The following DMXL2 variants were observed in gnomAD, a reference collection of about 807,000 sequenced individuals.
The protein encoded by DMXL2 is dmX-like protein 2.
A neutral mutation model predicts 331.1 loss-of-function variants in DMXL2; 103 were observed. The ratio of observed to expected loss-of-function variants is 0.31; its 90% CI spans 0.27 to 0.37. The LOEUF (loss-of-function observed/expected upper bound fraction) is 0.37. Ranked by LOEUF, DMXL2 falls within the 10% of genes least tolerant of loss-of-function variation. The pLI, the probability that DMXL2 is intolerant of heterozygous loss-of-function variation, is 1.00. For synonymous variants in DMXL2, 1,281 were observed against 1,252.1 expected (o/e 1.02, Z -0.49); for missense variants, 3,171 against 3,642.9 (o/e 0.87, Z 3.33).
intron 15 of DMXL2, among the ~76,000 whole-genome samples, chr15:51,509,621 AG>A (rs772121455): frequency 1.1e-4 from 17 of 152,366 alleles, no homozygotes; most frequent in Admixed American, 6.5e-4. Flanking sequence ...AAATTCTACC[AG>A]AGGTACAAAG....
intron 1 of DMXL2, among the ~76,000 whole-genome samples, chr15:51,606,865 T>C (rs941037387): frequency 1.3e-5 from 2 of 152,056 alleles, no homozygotes; most frequent in African/African-American, 2.4e-5. Context: ...GATAAAAAGA[T>C]AGAAAACATG....
At chr15:51,615,317 A>G (rs1459580876) in intron 1 of DMXL2, among the ~76,000 whole-genome samples, 1 of 152,210 alleles carries the variant, frequency 6.6e-6, no homozygotes, top group Non-Finnish European at 1.5e-5. Flanking sequence ...TAGAGCAGAA[A>G]AAGCATTTTT....
rs377071166 is a variant in DMXL2, at chr15:51,471,733, A to G, written c.7214-332T>C. Among the ~76,000 whole-genome samples the G allele has an allele frequency of 3.3e-5, 5 of 152,360 alleles. No homozygotes were observed. In the East Asian group the frequency reaches 7.7e-4, roughly 23 times the overall value. ...ATTATCCCTGGCTATGAGGTTCAAG[A>G]AAGATTCACTGAATATGTAGAATTT... On this transcript the variant is annotated intron_variant, in intron 28 of 43. Coordinates refer to ENST00000560891, the MANE Select transcript of DMXL2 (RefSeq NM_001378457.1).
chr15:51,611,221 T>C (rs1291892776), intron 1 of DMXL2, among the ~76,000 whole-genome samples: 3 of 152,154 alleles, frequency 2.0e-5, no homozygotes, highest in East Asian at 1.9e-4. Context: ...TGATAAACCT[T>C]TGCTGAAGAA....
At chr15:51,479,652 T>C (rs2041862700) in intron 25 of DMXL2, among the ~76,000 whole-genome samples, 1 of 152,168 alleles carries the variant, frequency 6.6e-6, no homozygotes, top group Admixed American at 6.5e-5. Flanking sequence ...TCCAACTTAA[T>C]GGTTCATTTA....
Position 51,502,973 on chromosome 15 carries a change from A to C in DMXL2, c.2825T>G (p.Val942Gly). 1.2e-6 allele frequency: 2 copies of C among 1,614,064 alleles called. No homozygotes were observed. The highest frequency in any genetic ancestry group is 1.7e-6 in the Non-Finnish European group (2 of 1,179,912). Residue 942 changes from valine to glycine, a missense_variant, in exon 17 of 44, where the codon GTA (valine) becomes GGA (glycine). Val to Gly is a moderately radical substitution (Grantham distance 109). Coordinates refer to ENST00000560891, the MANE Select transcript of DMXL2 (RefSeq NM_001378457.1). ...SLLSVPGQKNVDSSPETSPSV... is the reference protein window; with the variant it reads ...SLLSVPGQKNGDSSPETSPSV... The stretch of plus-strand genomic sequence containing the variant: ...AGGAGAGGTTTCTGGAGAAGAATCT[A>C]CGTTCTTCTGTCCAGGGACTGAAAG...
At position 51,491,629 on chromosome 15, in the gene DMXL2, G is replaced by A. The variant is rs765884828; in HGVS notation, c.4902C>T (p.Gly1634=). The A allele has an allele frequency of 4.3e-6, 7 of 1,613,004 alleles. No homozygotes were observed. The highest frequency in any genetic ancestry group is 5.1e-6 in the Non-Finnish European group (6 of 1,179,642). ...DPQWSELRAM[G]IGWWVRNINT... ...TAATGTTCCTCACCCACCATCCTAT[G>A]CCCATAGCTCTTAATTCAGACCACT... Residue 1634 remains glycine, a synonymous_variant, in exon 20 of 44, where the codon GGC becomes GGT. Transcript: ENST00000560891.
At position 51,474,340 on chromosome 15, in the gene DMXL2, T is replaced by G; in HGVS notation, c.7213+4A>C. 1 of 1,603,058 alleles carries G rather than the reference T, an allele frequency of 6.2e-7. No homozygotes were observed. On this transcript the variant is annotated splice_donor_region_variant and intron_variant, in intron 28 of 43. Transcript: ENST00000560891. Reference sequence around the variant, plus strand: ...ATACATTACTGGTATCAAACGTATCTTACCTGAAATATTTTCTGATTGTCT... The same window carrying G: ...ATACATTACTGGTATCAAACGTATCGTACCTGAAATATTTTCTGATTGTCT...
In DMXL2 at chr15:51,480,731, C is replaced by T. The variant is rs554074770; in HGVS notation, c.6375G>A (p.Glu2125=). 2 of 1,603,098 alleles carry T rather than the reference C, an allele frequency of 1.2e-6. No individual in the cohort carries two copies. The highest frequency in any genetic ancestry group is 1.7e-5 in the Admixed American group (1 of 58,908). ...MVDKPDIGSY[E]RHQIERRRLQ... ...ATCTTCTTCTTTCTATTTGATGGCG[C>T]TCATAGGAACCAATATCTGGTTTGT... The change falls in exon 24 of 44, where the codon GAG becomes GAA. Residue 2125 remains glutamate, a synonymous_variant. Transcript: ENST00000560891.
chr15:51,569,372 G>T (rs897553451), intron 2 of DMXL2, among the ~76,000 whole-genome samples: 2 of 152,164 alleles, frequency 1.3e-5, no homozygotes, highest in Non-Finnish European at 2.9e-5. Flanking sequence ...GACAGAGCAC[G>T]TGGGGGAAGG....
In DMXL2 at chr15:51,451,781, T is replaced by C. The variant is rs1016494360; in HGVS notation, c.8697-84A>G. 9.0e-6 allele frequency: 11 copies of C among 1,216,440 alleles called. No homozygotes were observed. The Admixed American group carries it at 1.3e-4, about 14-fold the overall frequency. The allele number at this position is 1,216,440 out of a possible 1,614,324, so 75.4% of individuals were successfully genotyped here. A position where few individuals can be genotyped will look rare whatever the true frequency, so the allele number is the denominator to read the frequency against. On this transcript the variant is annotated intron_variant, in intron 41 of 43. Coordinates refer to ENST00000560891, the MANE Select transcript of DMXL2 (RefSeq NM_001378457.1). ...AGGGACAACCTGTCTTTCAGTCAAA[T>C]ATTTTGCTTATTCATTCTTATCTTT...
intron 1 of DMXL2, among the ~76,000 whole-genome samples, chr15:51,611,947 G>A (rs749847720): frequency 1.5e-4 from 23 of 152,162 alleles, no homozygotes; most frequent in Non-Finnish European, 2.6e-4. Flanking sequence ...AGCCAGTAGC[G>A]GCAACCCGCT....
At chr15:51,454,731 G>C (rs1203354390) in intron 40 of DMXL2, among the ~76,000 whole-genome samples, 2 of 152,106 alleles carry the variant, frequency 1.3e-5, no homozygotes, top group Non-Finnish European at 2.9e-5. Flanking sequence ...TCCTGACCTT[G>C]TGATCTGCCC....
intron 1 of DMXL2, among the ~76,000 whole-genome samples, chr15:51,578,430 C>T (rs1047329559): frequency 6.6e-6 from 1 of 152,126 alleles, no homozygotes; most frequent in Admixed American, 6.6e-5. Flanking sequence ...CCCTAGATAA[C>T]CATAATTGCC....
Position 51,517,058 on chromosome 15 carries a change from A to C in DMXL2, c.2526+20T>G. The C allele has an allele frequency of 6.3e-7, 1 of 1,597,918 alleles. No homozygotes were observed. The highest frequency in any genetic ancestry group is 8.6e-7 in the Non-Finnish European group (1 of 1,165,216). On this transcript the variant is annotated intron_variant, in intron 14 of 43. Transcript: ENST00000560891. ...GGGATAAAGTATACGAATATCACCA[A>C]TTCACAAGCATGTTTTTACTTGGTT... is the stretch of plus-strand genomic sequence containing the variant.
At chr15:51,521,012 T>C (rs1357548268) in intron 13 of DMXL2, among the ~76,000 whole-genome samples, 2 of 152,216 alleles carry the variant, frequency 1.3e-5, no homozygotes, top group East Asian at 1.9e-4. Flanking sequence ...TTTAGCAAAA[T>C]TGCTTCCAAA....
intron 41 of DMXL2, among the ~76,000 whole-genome samples, chr15:51,452,996 C>G (rs2039286068): frequency 6.6e-6 from 1 of 151,938 alleles, no homozygotes; most frequent in Non-Finnish European, 1.5e-5. Context: ...AGTAGAAAAT[C>G]ATATGTCGTA....
At chr15:51,571,867 A>G (rs866908000) in intron 2 of DMXL2, among the ~76,000 whole-genome samples, 62 of 152,312 alleles carry the variant, frequency 4.1e-4, no homozygotes, top group African/African-American at 1.4e-3. Context: ...TAACATCACA[A>G]TTAAAAGAAC....
intron 2 of DMXL2, among the ~76,000 whole-genome samples, chr15:51,573,695 G>A (rs2050822138): frequency 6.6e-6 from 1 of 152,006 alleles, no homozygotes; most frequent in Non-Finnish European, 1.5e-5. Context: ...CCTGTCAGGG[G>A]GTCGGGGGGC....
Sources: allele counts gnomAD v4.1 joint callset (sites outside exome capture counted in the v4.1 genomes callset), GRCh38; gene constraint gnomAD v4.1.1; transcripts MANE v1.5; gene names NCBI Gene and HGNC (gene_info 2026-07-23, HGNC 2026-07-21).